Variants in FDFT1 observed in about 807,000 individuals in gnomAD.
The protein encoded by FDFT1 is farnesyl-diphosphate farnesyltransferase 1, also known as squalene synthase.
FDFT1 carries 68 observed loss-of-function variants against 46.8 expected under a neutral mutation model. The observed-to-expected ratio is 1.45, with a 90% confidence interval of 1.19 to 1.78. FDFT1 has a LOEUF of 1.78. Ranked by LOEUF, FDFT1 falls within the 40% of genes most tolerant of loss-of-function variation. FDFT1 has a pLI of 0.00. For synonymous variants in FDFT1, 351 were observed against 185.1 expected (o/e 1.90, Z -7.28); for missense variants, 928 against 524.4 (o/e 1.77, Z -7.52).
intron 1 of FDFT1, among the ~76,000 whole-genome samples, chr8:11,804,764 GC>G (rs1806606424): frequency 6.6e-6 from 1 of 151,492 alleles, no homozygotes; most frequent in African/African-American, 2.4e-5. Context: ...CTGCCACTAC[GC>G]CCGGCTGATT....
intron 5 of FDFT1, among the ~76,000 whole-genome samples, chr8:11,828,757 C>T (rs1397688914): frequency 2.0e-5 from 3 of 152,236 alleles, no homozygotes; most frequent in African/African-American, 7.2e-5. Flanking sequence ...GTAGTTGAAT[C>T]ATGCCAAATG....
At chr8:11,798,979 G>T (rs149303928), upstream of FDFT1, among the ~76,000 whole-genome samples, 346 of 152,316 alleles carry the variant, frequency 2.3e-3, 1 homozygote, top group African/African-American at 8.0e-3. Context: ...TTTGAGGTAG[G>T]AGCTTTATGC....
intron 3 of FDFT1, chr8:11,810,119 C>A: frequency 2.5e-6 from 1 of 397,292 alleles, no homozygotes; most frequent in Non-Finnish European, 4.5e-6. Context: ...AATAATAACA[C>A]CTACCTCATG....
chr8:11,808,651 G>C lies in FDFT1; in HGVS notation c.100-143G>C, dbSNP rs1807236751. On this transcript the variant is annotated intron_variant, in intron 1 of 7. Coordinates refer to ENST00000220584, the MANE Select transcript of FDFT1 (RefSeq NM_004462.5). ...GGCTGCTGCTTGCCTCCTGCCGCCT[G>C]GCCCTGCAAGGACTGGCCTCGGGGA... The C allele has an allele frequency of 8.5e-6, 12 of 1,412,786 alleles. 1 individual carries two copies. In the South Asian group the frequency reaches 1.8e-4, roughly 21 times the overall value. 87.5% of individuals were successfully genotyped at this position (1,412,786 alleles called of 1,614,324 possible).
intron 7 of FDFT1, among the ~76,000 whole-genome samples, chr8:11,837,987 C>T (rs536899003): frequency 1.3e-5 from 2 of 152,026 alleles, no homozygotes; most frequent in Admixed American, 1.3e-4. Flanking sequence ...CATCTTGTTT[C>T]TAAGCTGCTT....
chr8:11,816,812 C>G (rs1447961412), intron 3 of FDFT1, among the ~76,000 whole-genome samples: 1 of 152,152 alleles, frequency 6.6e-6, no homozygotes, highest in Non-Finnish European at 1.5e-5. Flanking sequence ...ATGTCATTTG[C>G]AAACAGGCAA....
intron 7 of FDFT1, among the ~76,000 whole-genome samples, chr8:11,833,567 C>T (rs1811146483): frequency 6.6e-6 from 1 of 152,150 alleles, no homozygotes; most frequent in Admixed American, 6.6e-5. Flanking sequence ...TTTGGTTTTT[C>T]CTTAACTATT....
At chr8:11,814,164 A>G (rs961477370) in intron 3 of FDFT1, among the ~76,000 whole-genome samples, 5 of 152,238 alleles carry the variant, frequency 3.3e-5, no homozygotes, top group African/African-American at 1.2e-4. Context: ...AGATTCAGGG[A>G]TTCTAATAAC....
intron 7 of FDFT1, among the ~76,000 whole-genome samples, chr8:11,836,940 A>C (rs77373354): frequency 6.6e-6 from 1 of 152,234 alleles, no homozygotes; most frequent in Non-Finnish European, 1.5e-5. Flanking sequence ...GGCTGGAGAT[A>C]AAAAGGTGAG....
At chr8:11,804,600 C>CTT (rs5889385) in intron 1 of FDFT1, among the ~76,000 whole-genome samples, 46,717 of 97,378 alleles carry the variant, frequency 0.48, 12,075 homozygotes, top group South Asian at 0.64. Context: ...CTTAGTTTCT[C>CTT]TTTTTTTTTT....
Position 11,829,784 on chromosome 8 carries a change from C to T in FDFT1, c.703-460C>T, listed in dbSNP as rs533046982. On this transcript the variant is annotated intron_variant, in intron 5 of 7. Coordinates refer to ENST00000220584, the MANE Select transcript of FDFT1 (RefSeq NM_004462.5). ...GCATGGAGCTTAAAATGAACTTGAT[C>T]TTCGTGAAAGATGAGTCTGCAGCTA... 3.3e-5 allele frequency among the ~76,000 whole-genome samples: 5 copies of T among 152,050 alleles called. No individual in the cohort carries two copies. The South Asian group carries it at 1.0e-3, about 32-fold the overall frequency.
At chr8:11,808,369 G>GGCGGGGCTGCGGGGCT in intron 1 of FDFT1, 1 of 1,235,678 alleles carries the variant, frequency 8.1e-7, no homozygotes, top group Non-Finnish European at 1.0e-6. Flanking sequence ...GGAGGCCGGG[G>GGCGGGGCTGCGGGGCT]GCGGGGCTGC....
chr8:11,804,600 C>CTTTTTTTTTTTT (rs5889385), intron 1 of FDFT1, among the ~76,000 whole-genome samples: 12 of 97,354 alleles, frequency 1.2e-4, no homozygotes, highest in East Asian at 3.1e-4. Context: ...CTTAGTTTCT[C>CTTTTTTTTTTTT]TTTTTTTTTT....
rs779991529 is a variant in FDFT1 at position 11,802,934 on chromosome 8, G to A, written c.99+3G>A. 34 of 1,601,972 alleles carry A rather than the reference G, an allele frequency of 2.1e-5. 1 individual carries two copies. The highest frequency in any genetic ancestry group is 4.5e-5 in the South Asian group (4 of 89,088). On this transcript the variant is annotated splice_donor_region_variant and intron_variant, in intron 1 of 7. Coordinates refer to ENST00000220584, the MANE Select transcript of FDFT1 (RefSeq NM_004462.5). The stretch of plus-strand genomic sequence containing the variant: ...AGGTGATGCCCAAGATGGACCAGGT[G>A]GGCCGAGCCTCCCTGCTTGCCCGGG...
rs780886966 is a variant in FDFT1 at position 11,838,443 on chromosome 8, TCTC to T, written c.1090_1092del (p.Ser364del). On this transcript the variant is annotated inframe_deletion, in exon 8 of 8. Transcript: ENST00000220584. ...TCTTCTAGCAAAACAAGGCAGATCA[TCTC>T]CACCATCCGGACGCAGAATCTTCCC... 5 of 1,610,910 alleles carry T rather than the reference TCTC, an allele frequency of 3.1e-6. No individual in the cohort carries two copies. The highest frequency in any genetic ancestry group is 2.5e-6 in the Non-Finnish European group (3 of 1,178,254).
intron 3 of FDFT1, among the ~76,000 whole-genome samples, chr8:11,813,777 G>T (rs999406541): frequency 1.3e-5 from 2 of 152,118 alleles, no homozygotes; most frequent in African/African-American, 4.8e-5. Flanking sequence ...GAAATCTACT[G>T]TGTTGTGAAA....
At chr8:11,804,645 C>T (rs1330008350) in intron 1 of FDFT1, among the ~76,000 whole-genome samples, 4 of 123,006 alleles carry the variant, frequency 3.3e-5, no homozygotes. Flanking sequence ...GCTCTGTTAC[C>T]CAGGCTGGAG....
intron 1 of FDFT1, among the ~76,000 whole-genome samples, chr8:11,804,590 C>G (rs1231864069): frequency 2.2e-5 from 3 of 135,686 alleles, no homozygotes; most frequent in African/African-American, 8.1e-5. Context: ...TTAACATTAT[C>G]TTAGTTTCTC....
chr8:11,803,070 C>A, intron 1 of FDFT1, 139 bp downstream of exon 1: 1 of 1,450,236 alleles, frequency 6.9e-7, no homozygotes, highest in Non-Finnish European at 9.0e-7. Flanking sequence ...GTCCCCCTTT[C>A]CTCGAGCCTT....
Sources: allele counts gnomAD v4.1 joint callset (sites outside exome capture counted in the v4.1 genomes callset), GRCh38; gene constraint gnomAD v4.1.1; transcripts MANE v1.5; gene names NCBI Gene and HGNC (gene_info 2026-07-23, HGNC 2026-07-21).